The following ITPR1 variants were observed in gnomAD, a reference collection of about 807,000 sequenced individuals.
The protein encoded by ITPR1 is inositol 1,4,5-trisphosphate receptor type 1.
ITPR1 carries 96 observed loss-of-function variants against 318.4 expected under a neutral mutation model. That is an observed-to-expected ratio of 0.30 (90% CI 0.26 to 0.36). ITPR1 has a LOEUF of 0.36. ITPR1 is among the 10% of genes least tolerant of loss of function. The probability of loss-of-function intolerance (pLI) is 1.00; values close to 1 mark genes in which losing one functional copy is unlikely to be tolerated. For missense variants in ITPR1, 2,440 were observed against 3,460.2 expected (o/e 0.71, Z 7.40); for synonymous variants, 1,312 against 1,289.9 (o/e 1.02, Z -0.37).
intron 1 of ITPR1, among the ~76,000 whole-genome samples, chr3:4,494,211 C>A (rs961856996): frequency 3.3e-5 from 5 of 152,358 alleles, no homozygotes; most frequent in African/African-American, 1.2e-4. Flanking sequence ...TTGTGCGTGC[C>A]TAGTCTCAAT....
chr3:4,622,936 A>G (rs1015768862), intron 4 of ITPR1, among the ~76,000 whole-genome samples: 12 of 152,232 alleles, frequency 7.9e-5, no homozygotes, highest in African/African-American at 2.9e-4. Context: ...CAGAGACCTT[A>G]CAGTCTAGTG....
At chr3:4,705,912 C>T (rs1444935596) in intron 36 of ITPR1, among the ~76,000 whole-genome samples, 2 of 152,228 alleles carry the variant, frequency 1.3e-5, no homozygotes, top group Non-Finnish European at 2.9e-5. Flanking sequence ...TTAACTCTGA[C>T]ATGCCCTGGC....
intron 44 of ITPR1, among the ~76,000 whole-genome samples, chr3:4,735,835 A>G (rs2043228269): frequency 1.3e-5 from 2 of 152,258 alleles, no homozygotes; most frequent in Non-Finnish European, 2.9e-5. Flanking sequence ...TGAAAGTTTA[A>G]TAAAGCCAAA....
intron 2 of ITPR1, among the ~76,000 whole-genome samples, chr3:4,504,146 G>T (rs913135046): frequency 6.6e-6 from 1 of 152,116 alleles, no homozygotes; most frequent in African/African-American, 2.4e-5. Flanking sequence ...TCTTACTTTG[G>T]CCTTGAAGAA....
intron 4 of ITPR1, among the ~76,000 whole-genome samples, chr3:4,547,462 A>T (rs567967170): frequency 6.6e-6 from 1 of 152,186 alleles, no homozygotes; most frequent in African/African-American, 2.4e-5. Flanking sequence ...TCTAGATGAC[A>T]TGGATTTGTC....
At chr3:4,834,442 C>A (rs1206692669) in intron 60 of ITPR1, among the ~76,000 whole-genome samples, 1 of 152,160 alleles carries the variant, frequency 6.6e-6, no homozygotes, top group African/African-American at 2.4e-5. Context: ...GTAGCAGCCA[C>A]CGTGAGTATC....
At chr3:4,840,605 A>G (rs931925851) in intron 61 of ITPR1, among the ~76,000 whole-genome samples, 1 of 152,182 alleles carries the variant, frequency 6.6e-6, no homozygotes, top group Non-Finnish European at 1.5e-5. Context: ...TATCAATCTG[A>G]GGGAAAAAAG....
At chr3:4,767,187 C>T (rs1450205222) in intron 45 of ITPR1, among the ~76,000 whole-genome samples, 1 of 152,230 alleles carries the variant, frequency 6.6e-6, no homozygotes, top group Non-Finnish European at 1.5e-5. Flanking sequence ...GAAAGTTAAG[C>T]ATGCTGAGCC....
chr3:4,545,596 C>T (rs2084901526), intron 4 of ITPR1, among the ~76,000 whole-genome samples: 1 of 140,478 alleles, frequency 7.1e-6, no homozygotes, highest in Non-Finnish European at 1.5e-5. Context: ...GCACTGCAGC[C>T]TGGGCAACAG....
At chr3:4,725,448 C>A in intron 40 of ITPR1, 98 bp from the exon 41 acceptor site, 1 of 997,222 alleles carries the variant, frequency 1.0e-6, no homozygotes, top group Non-Finnish European at 1.6e-6. Context: ...CTGATCCTTC[C>A]TCCTGTGTTT....
chr3:4,659,667 C>T (rs78641323), intron 13 of ITPR1, among the ~76,000 whole-genome samples: 3 of 150,438 alleles, frequency 2.0e-5, no homozygotes, highest in African/African-American at 4.9e-5. Flanking sequence ...GCCTGGGTGA[C>T]AGAGTGAGAC....
At chr3:4,592,059 G>A (rs529084000) in intron 4 of ITPR1, among the ~76,000 whole-genome samples, 106 of 152,236 alleles carry the variant, frequency 7.0e-4, no homozygotes, top group African/African-American at 2.5e-3. Flanking sequence ...ATTCCGAGCT[G>A]GGGTTCCGAG....
rs1471739650 is a variant in ITPR1, at chr3:4,678,701, T to TGGA, written c.2968-1846_2968-1844dup. Among the ~76,000 whole-genome samples the TGGA allele has an allele frequency of 5.3e-5, 8 of 151,990 alleles. No individual in the cohort carries two copies. The East Asian group carries it at 1.5e-3, about 29-fold the overall frequency. ...ATGGTAAAGATCAGAGAAGGGTTGA[T>TGGA]GGAGGAGGTAGGGTTTCATCTGAGC... On this transcript the variant is annotated intron_variant, in intron 24 of 61. Coordinates refer to ENST00000649015, the MANE Select transcript of ITPR1 (RefSeq NM_001378452.1).
chr3:4,530,096 A>G (rs1385500726), intron 4 of ITPR1, among the ~76,000 whole-genome samples: 1 of 152,202 alleles, frequency 6.6e-6, no homozygotes, highest in Non-Finnish European at 1.5e-5. Context: ...CTGCAACCCC[A>G]AAGTATGTCA....
chr3:4,758,579 T>C (rs1434284291), intron 44 of ITPR1, among the ~76,000 whole-genome samples: 1 of 152,152 alleles, frequency 6.6e-6, no homozygotes, highest in Non-Finnish European at 1.5e-5. Context: ...GCTTCATGGG[T>C]ATATGTCTAG....
At chr3:4,717,282 T>G (rs541986262) in intron 39 of ITPR1, 85 bp from the exon 40 acceptor site, 1 of 1,155,512 alleles carries the variant, frequency 8.7e-7, no homozygotes, top group East Asian at 2.3e-5. Context: ...ACGTCAGCAA[T>G]AAGAGTAAAG....
At chr3:4,695,787 G>A (rs1007902427) in intron 33 of ITPR1, among the ~76,000 whole-genome samples, 1 of 152,086 alleles carries the variant, frequency 6.6e-6, no homozygotes, top group Admixed American at 6.5e-5. Flanking sequence ...TTCTATTGTG[G>A]CACCATGATA....
At chr3:4,661,364 G>A (rs1454655505) in intron 14 of ITPR1, among the ~76,000 whole-genome samples, 1 of 152,170 alleles carries the variant, frequency 6.6e-6, no homozygotes, top group East Asian at 1.9e-4. Flanking sequence ...TTTCATGACT[G>A]TCTGAAGGAT....
At chr3:4,510,550 G>A (rs2081735327) in intron 2 of ITPR1, among the ~76,000 whole-genome samples, 1 of 152,172 alleles carries the variant, frequency 6.6e-6, no homozygotes, top group Non-Finnish European at 1.5e-5. Context: ...TGCTGGATTA[G>A]ACTTTTTCAT....
Sources: allele counts gnomAD v4.1 joint callset (sites outside exome capture counted in the v4.1 genomes callset), GRCh38; gene constraint gnomAD v4.1.1; transcripts MANE v1.5; gene names NCBI Gene and HGNC (gene_info 2026-07-23, HGNC 2026-07-21).